ADGRB3: variants seen among roughly 807,000 people sequenced by gnomAD.
ADGRB3 encodes the protein adhesion G protein-coupled receptor B3, also known as brain-specific angiogenesis inhibitor 3.
Under a neutral mutation model 193.4 loss-of-function variants are expected in ADGRB3, and 37 were observed. That is an observed-to-expected ratio of 0.19 (90% confidence interval 0.15 to 0.25). ADGRB3 has a LOEUF of 0.25. ADGRB3 is among the 10% of genes least tolerant of loss of function. The probability of loss-of-function intolerance (pLI) is 1.00; values close to 1 mark genes in which losing one functional copy is unlikely to be tolerated. For missense variants in ADGRB3, 1,637 were observed against 1,852.9 expected (o/e 0.88, Z 2.14); for synonymous variants, 690 against 644.2 (o/e 1.07, Z -1.08).
intron 17 of ADGRB3, among the ~76,000 whole-genome samples, chr6:69,198,430 G>GA (rs1434677792): frequency 6.6e-6 from 1 of 152,052 alleles, no homozygotes; most frequent in Non-Finnish European, 1.5e-5. Context: ...CTAGTCTGAA[G>GA]AAAAAGTAGG....
intron 17 of ADGRB3, among the ~76,000 whole-genome samples, chr6:69,230,081 T>A (rs1038095997): frequency 5.3e-5 from 8 of 152,150 alleles, no homozygotes; most frequent in Non-Finnish European, 1.2e-4. Flanking sequence ...GTATGGAATT[T>A]CTGCAAACAT....
intron 12 of ADGRB3, among the ~76,000 whole-genome samples, chr6:69,016,301 G>T (rs1486745083): frequency 6.6e-6 from 1 of 151,806 alleles, no homozygotes; most frequent in Non-Finnish European, 1.5e-5. Context: ...TCTCCACCAA[G>T]GTAGAAGGGA....
At chr6:69,228,635 G>A (rs907381052) in intron 17 of ADGRB3, among the ~76,000 whole-genome samples, 2 of 152,140 alleles carry the variant, frequency 1.3e-5, no homozygotes, top group East Asian at 1.9e-4. Context: ...GAAAGTACCT[G>A]CTTCTAAATC....
At chr6:68,770,372 G>A (rs1766593420) in intron 3 of ADGRB3, among the ~76,000 whole-genome samples, 1 of 152,098 alleles carries the variant, frequency 6.6e-6, no homozygotes, top group Non-Finnish European at 1.5e-5. Context: ...CATCTCATTA[G>A]CATCTGAAAC....
intron 20 of ADGRB3, among the ~76,000 whole-genome samples, chr6:69,261,750 G>A (rs184771851): frequency 3.3e-5 from 5 of 152,052 alleles, no homozygotes; most frequent in African/African-American, 1.2e-4. Flanking sequence ...AATCCAAATT[G>A]TAAATGAAGG....
intron 20 of ADGRB3, among the ~76,000 whole-genome samples, chr6:69,316,484 AT>A (rs2127303113): frequency 6.6e-6 from 1 of 151,612 alleles, no homozygotes; most frequent in East Asian, 1.9e-4. Context: ...GAAAACACAA[AT>A]TTTCAAAATT....
chr6:68,759,797 G>A (rs925395004), intron 3 of ADGRB3, among the ~76,000 whole-genome samples: 7 of 151,916 alleles, frequency 4.6e-5, no homozygotes, highest in Non-Finnish European at 8.8e-5. Context: ...AAGAAACTAA[G>A]CCAATTGAGA....
At chr6:69,126,311 G>A (rs1312271251) in intron 17 of ADGRB3, among the ~76,000 whole-genome samples, 2 of 152,090 alleles carry the variant, frequency 1.3e-5, no homozygotes, top group Non-Finnish European at 2.9e-5. Flanking sequence ...AGATTTGTTA[G>A]GGGAATTGGC....
At chr6:68,985,519 C>A (rs953982403) in intron 10 of ADGRB3, among the ~76,000 whole-genome samples, 1 of 152,046 alleles carries the variant, frequency 6.6e-6, no homozygotes. Flanking sequence ...TTCCTCACCC[C>A]CTTGATGTTA....
intron 3 of ADGRB3, among the ~76,000 whole-genome samples, chr6:68,652,584 T>A (rs995612289): frequency 6.6e-6 from 1 of 152,194 alleles, no homozygotes; most frequent in South Asian, 2.1e-4. Flanking sequence ...TTTTCTCACA[T>A]ACTAGTTTAA....
rs149321841 is a variant in ADGRB3 at position 69,267,208 on chromosome 6, A to G, written c.2814+27982A>G. On this transcript the variant is annotated intron_variant, in intron 20 of 31. Coordinates refer to ENST00000370598, the MANE Select transcript of ADGRB3 (RefSeq NM_001704.3). ...CCCCCTTTTGATCAAGATCTTTCTC[A>G]TAAAGCATCACTGGTCAATCTTGCT... Among the ~76,000 whole-genome samples the G allele has an allele frequency of 4.8e-3, 729 of 152,136 alleles. 4 individuals are homozygous for G. The highest frequency in any genetic ancestry group is 6.7e-3 in the Non-Finnish European group (457 of 67,950).
In ADGRB3 at chr6:68,775,958, T is replaced by A. The variant is rs569299693; in HGVS notation, c.757+136526T>A. On this transcript the variant is annotated intron_variant, in intron 3 of 31. Transcript: ENST00000370598. Reference sequence around the variant, plus strand: ...ATTGTGTTTTTGTTGCTTTTAGAGGTATCACAAATAAGAATTTGGGGAGTC... The same window carrying A: ...ATTGTGTTTTTGTTGCTTTTAGAGGAATCACAAATAAGAATTTGGGGAGTC... Among the ~76,000 whole-genome samples the A allele has an allele frequency of 2.0e-5, 3 of 152,294 alleles. No homozygotes were observed. In the East Asian group the frequency reaches 5.8e-4, roughly 29 times the overall value.
intron 5 of ADGRB3, among the ~76,000 whole-genome samples, chr6:68,940,138 C>T (rs2150249738): frequency 6.6e-6 from 1 of 152,226 alleles, no homozygotes; most frequent in Admixed American, 6.5e-5. Flanking sequence ...ATTGTACTCT[C>T]TTCAAAAGCC....
At chr6:69,292,756 A>G (rs1767717026) in intron 20 of ADGRB3, among the ~76,000 whole-genome samples, 2 of 151,658 alleles carry the variant, frequency 1.3e-5, no homozygotes, top group Admixed American at 6.6e-5. Flanking sequence ...TTTAGGGTAC[A>G]TGTGCACAAT....
chr6:68,751,360 C>T (rs1322001727), intron 3 of ADGRB3, among the ~76,000 whole-genome samples: 1 of 152,088 alleles, frequency 6.6e-6, no homozygotes, highest in Non-Finnish European at 1.5e-5. Flanking sequence ...CCTTTTCCCC[C>T]AACCCACTGT....
At chr6:68,902,422 A>G (rs1263342924) in intron 3 of ADGRB3, among the ~76,000 whole-genome samples, 5 of 152,090 alleles carry the variant, frequency 3.3e-5, no homozygotes, top group Admixed American at 3.3e-4. Flanking sequence ...GAAACAGTAG[A>G]CTAGAAACTG....
At chr6:68,669,331 T>C (rs1300329305) in intron 3 of ADGRB3, among the ~76,000 whole-genome samples, 2 of 151,844 alleles carry the variant, frequency 1.3e-5, no homozygotes, top group Admixed American at 1.3e-4. Flanking sequence ...CTATTTCTTA[T>C]TCATTTGTTC....
At chr6:69,187,147 C>A (rs1765088286) in intron 17 of ADGRB3, among the ~76,000 whole-genome samples, 1 of 151,756 alleles carries the variant, frequency 6.6e-6, no homozygotes, top group African/African-American at 2.4e-5. Flanking sequence ...TTCATGTTTA[C>A]AATATGTGTA....
chr6:68,704,672 C>A (rs1170278213), intron 3 of ADGRB3, among the ~76,000 whole-genome samples: 2 of 152,140 alleles, frequency 1.3e-5, no homozygotes, highest in Admixed American at 6.5e-5. Context: ...TTGGAGTCCA[C>A]AGGTATGTAT....
Sources: allele counts gnomAD v4.1 joint callset (sites outside exome capture counted in the v4.1 genomes callset), GRCh38; gene constraint gnomAD v4.1.1; transcripts MANE v1.5; gene names NCBI Gene and HGNC (gene_info 2026-07-23, HGNC 2026-07-21).